The following TENM4 variants were observed in gnomAD, a reference collection of about 807,000 sequenced individuals.
TENM4 encodes the protein teneurin transmembrane protein 4.
In TENM4, 82 loss-of-function variants were observed where a neutral mutation model predicts 243.3. The ratio of observed to expected loss-of-function variants is 0.34; its 90% CI spans 0.28 to 0.40. The LOEUF is 0.40. Among genes scored for constraint, TENM4 ranks in the 10% least tolerant of loss-of-function variants. The pLI, the probability that TENM4 is intolerant of heterozygous loss-of-function variation, is 1.00. For synonymous variants in TENM4, 1,412 were observed against 1,456.3 expected, an observed-to-expected ratio of 0.97 and a Z score of 0.69; for missense variants, 3,138 against 3,673.3, an observed-to-expected ratio of 0.85 and a Z score of 3.77.
chr11:79,018,832 T>C (rs546872187), intron 6 of TENM4, among the ~76,000 whole-genome samples: 9 of 152,336 alleles, frequency 5.9e-5, no homozygotes, highest in Non-Finnish European at 1.0e-4. Context: ...CTTAGAATGA[T>C]AGGGCTGGCA....
intron 1 of TENM4, among the ~76,000 whole-genome samples, chr11:79,352,161 A>G (rs542948023): frequency 3.3e-5 from 5 of 152,324 alleles, no homozygotes; most frequent in African/African-American, 1.2e-4. Context: ...AATATCTCCA[A>G]AACATGCCAA....
chr11:79,059,862 A>G lies in TENM4; in HGVS notation c.493+4876T>C, dbSNP rs111518409. Among the ~76,000 whole-genome samples the G allele has an allele frequency of 3.1e-3, 475 of 152,280 alleles. 3 individuals carry two copies. Among genetic ancestry groups the G allele is most frequent in the African/African-American group, 0.011 (465 of 41,550 alleles). ...AGATCTCAGAGCTTAGACTGGGGCA[A>G]CCAGGACTTGAGGCCAGGTCTCCAC... On this transcript the variant is annotated intron_variant, in intron 6 of 33. Coordinates refer to ENST00000278550, the MANE Select transcript of TENM4 (RefSeq NM_001098816.3).
chr11:79,379,764 C>T (rs1395468527), intron 1 of TENM4, among the ~76,000 whole-genome samples: 3 of 152,182 alleles, frequency 2.0e-5, no homozygotes, highest in East Asian at 1.9e-4. Context: ...AGAGCCCATA[C>T]ACCACACTGC....
At chr11:79,404,006 A>G (rs1433685549) in intron 1 of TENM4, among the ~76,000 whole-genome samples, 3 of 152,204 alleles carry the variant, frequency 2.0e-5, no homozygotes, top group East Asian at 1.9e-4. Flanking sequence ...GGCAGTCCCA[A>G]GAAAGCACTT....
intron 1 of TENM4, among the ~76,000 whole-genome samples, chr11:79,314,804 A>C (rs1482926293): frequency 1.3e-5 from 2 of 152,214 alleles, no homozygotes; most frequent in Non-Finnish European, 2.9e-5. Context: ...TTGGCTACAC[A>C]TCACAGTCAC....
chr11:78,964,678 A>G lies in TENM4; in HGVS notation c.494-61155T>C, dbSNP rs1270773038. 3.3e-5 allele frequency among the ~76,000 whole-genome samples: 5 copies of G among 152,140 alleles called. No homozygotes were observed. The East Asian group carries it at 9.6e-4, about 29-fold the overall frequency. Reference sequence around the variant, plus strand: ...CTTTCTCTGAATTAACCTTGTCTTCAGTTCTGATATATCTGCTCTGCTATA... The same window carrying G: ...CTTTCTCTGAATTAACCTTGTCTTCGGTTCTGATATATCTGCTCTGCTATA... On this transcript the variant is annotated intron_variant, in intron 6 of 33. Transcript: ENST00000278550.
At chr11:79,299,826 C>T (rs1856521799) in intron 1 of TENM4, among the ~76,000 whole-genome samples, 1 of 152,220 alleles carries the variant, frequency 6.6e-6, no homozygotes, top group African/African-American at 2.4e-5. Flanking sequence ...CTCTAAGCTT[C>T]CATTTCCTGT....
At chr11:78,804,033 T>G (rs543844931) in intron 15 of TENM4, among the ~76,000 whole-genome samples, 2 of 152,346 alleles carry the variant, frequency 1.3e-5, no homozygotes, top group African/African-American at 4.8e-5. Flanking sequence ...TACATGGATC[T>G]CATTTTTGCC....
At chr11:79,250,872 G>C (rs903216011) in intron 2 of TENM4, among the ~76,000 whole-genome samples, 1 of 152,150 alleles carries the variant, frequency 6.6e-6, no homozygotes, top group African/African-American at 2.4e-5. Context: ...CATTTCTTTG[G>C]GCTGTATCCT....
chr11:79,297,833 C>T (rs1856481022), intron 1 of TENM4, among the ~76,000 whole-genome samples: 1 of 151,392 alleles, frequency 6.6e-6, no homozygotes, highest in South Asian at 2.1e-4. Flanking sequence ...TCATAGATGT[C>T]AAAATATAAA....
rs369638992 is a variant in TENM4 at position 78,972,001 on chromosome 11, A to G, written c.494-68478T>C. The stretch of plus-strand genomic sequence containing the variant: ...TTTTGTTGAATTACGTATGGGTGCA[A>G]TCTGTATAAAAATGTTAAGACCAGT... On this transcript the variant is annotated intron_variant, in intron 6 of 33. Coordinates refer to ENST00000278550, the MANE Select transcript of TENM4 (RefSeq NM_001098816.3). Among the ~76,000 whole-genome samples the G allele has an allele frequency of 1.1e-4, 16 of 152,338 alleles. No individual in the cohort carries two copies. In the South Asian group the frequency reaches 2.1e-3, roughly 20 times the overall value.
At chr11:78,922,655 A>G (rs970608606) in intron 6 of TENM4, among the ~76,000 whole-genome samples, 8 of 152,238 alleles carry the variant, frequency 5.3e-5, no homozygotes, top group African/African-American at 1.7e-4. Flanking sequence ...AGGCAACAGC[A>G]AGAGAATCCC....
rs1038851450 is a variant in TENM4 at position 78,779,969 on chromosome 11, C to T, written c.2366-1341G>A. 1.1e-4 allele frequency among the ~76,000 whole-genome samples: 16 copies of T among 152,262 alleles called. No homozygotes were observed. The South Asian group carries it at 2.7e-3, about 26-fold the overall frequency. ...AGGCTGTGTTCTTAGTTCAGGTATC[C>T]GTGTGGTCTCTGGTTCAAGATGAAA... On this transcript the variant is annotated intron_variant, in intron 16 of 33. Transcript: ENST00000278550.
intron 5 of TENM4, among the ~76,000 whole-genome samples, chr11:79,068,695 A>T (rs559647716): frequency 6.6e-6 from 1 of 152,204 alleles, no homozygotes; most frequent in Middle Eastern, 3.2e-3. Context: ...GGCATTGGTC[A>T]TGACCCAACA....
chr11:78,813,432 G>A (rs566894934), intron 13 of TENM4, among the ~76,000 whole-genome samples: 10 of 152,212 alleles, frequency 6.6e-5, no homozygotes, highest in African/African-American at 2.4e-4. Flanking sequence ...ACTTACTATC[G>A]TACTGCTTTG....
At chr11:79,203,945 C>G (rs1863796574) in intron 3 of TENM4, among the ~76,000 whole-genome samples, 1 of 152,168 alleles carries the variant, frequency 6.6e-6, no homozygotes, top group Non-Finnish European at 1.5e-5. Flanking sequence ...ACCTTGAAAA[C>G]ACGCTAAGTG....
At chr11:78,875,892 T>A (rs953540792) in intron 9 of TENM4, among the ~76,000 whole-genome samples, 3 of 152,208 alleles carry the variant, frequency 2.0e-5, no homozygotes, top group African/African-American at 7.2e-5. Context: ...TGCTGTTACA[T>A]CAGCTTAGGC....
At chr11:79,008,090 G>A (rs976503416) in intron 6 of TENM4, among the ~76,000 whole-genome samples, 1 of 152,180 alleles carries the variant, frequency 6.6e-6, no homozygotes, top group Non-Finnish European at 1.5e-5. Context: ...GCTGGGATTC[G>A]TTGGAAGCGC....
intron 15 of TENM4, among the ~76,000 whole-genome samples, chr11:78,802,252 C>T (rs1223869265): frequency 6.6e-6 from 1 of 152,242 alleles, no homozygotes; most frequent in Non-Finnish European, 1.5e-5. Flanking sequence ...TAAGTGCTTA[C>T]TGTATGACGG....
Sources: gnomAD v4.1 joint callset for allele counts (sites outside exome capture counted in the v4.1 genomes callset) on GRCh38, gnomAD v4.1.1 for gene constraint, MANE v1.5 for transcripts, NCBI Gene and HGNC (gene_info 2026-07-23, HGNC 2026-07-21) for gene names.